ALK: variants seen among roughly 807,000 people sequenced by gnomAD.
ALK encodes the protein ALK tyrosine kinase receptor.
In ALK, 74 loss-of-function variants were observed where a neutral mutation model predicts 163.1. The ratio of observed to expected loss-of-function variants is 0.45; its 90% CI spans 0.38 to 0.55. ALK has a LOEUF of 0.55. Among genes scored for constraint, ALK ranks in the 20% least tolerant of loss-of-function variants. The probability of loss-of-function intolerance (pLI) is 0.00; values close to 1 mark genes in which losing one functional copy is unlikely to be tolerated. For missense variants in ALK, 2,063 were observed against 2,105.3 expected, an observed-to-expected ratio of 0.98 and a Z score of 0.39; for synonymous variants, 960 against 843.2, an observed-to-expected ratio of 1.14 and a Z score of -2.40.
chr2:29,301,060 G>A (rs1224278802), intron 8 of ALK, among the ~76,000 whole-genome samples: 1 of 152,196 alleles, frequency 6.6e-6, no homozygotes, highest in Non-Finnish European at 1.5e-5. Context: ...AGTGACCAGA[G>A]AAGTAGTCTG....
chr2:29,242,791 G>A (rs966587427), intron 12 of ALK, among the ~76,000 whole-genome samples: 7 of 152,208 alleles, frequency 4.6e-5, no homozygotes, highest in Admixed American at 2.6e-4. Context: ...AGCACAAGGC[G>A]AGACCCGGGG....
At chr2:29,207,351 G>A (rs1669338815) in intron 25 of ALK, 79 bp from the exon 26 acceptor site, 1 of 1,124,728 alleles carries the variant, frequency 8.9e-7, no homozygotes, top group African/African-American at 1.5e-5. Flanking sequence ...AGTTGAGAAA[G>A]TGGCAACAAT....
intron 4 of ALK, among the ~76,000 whole-genome samples, chr2:29,400,285 T>A (rs1669412687): frequency 6.6e-6 from 1 of 152,250 alleles, no homozygotes; most frequent in Non-Finnish European, 1.5e-5. Flanking sequence ...GTGATAAATA[T>A]AAGAAGCCAT....
At chr2:29,654,800 A>T (rs1225135105) in intron 3 of ALK, among the ~76,000 whole-genome samples, 1 of 152,134 alleles carries the variant, frequency 6.6e-6, no homozygotes, top group East Asian at 1.9e-4. Context: ...ATGAAAATTG[A>T]TTACAGCCAC....
At chr2:29,911,410 A>AC (rs1371069372) in intron 1 of ALK, among the ~76,000 whole-genome samples, 2 of 152,204 alleles carry the variant, frequency 1.3e-5, no homozygotes, top group East Asian at 3.8e-4. Flanking sequence ...AAGGGTATGG[A>AC]GGGAATCCCC....
intron 1 of ALK, among the ~76,000 whole-genome samples, chr2:29,885,676 GAGTGCCTCCAAACC>G (rs1316654449): frequency 4.6e-5 from 7 of 152,074 alleles, no homozygotes; most frequent in South Asian, 2.1e-4. Context: ...TGATGGAGAT[GAGTGCCTCCAAACC>G]AGTGCCAGAT....
chr2:29,920,588 C>T lies in ALK; in HGVS notation c.72G>A (p.Gly24=), dbSNP rs756782371. The T allele has an allele frequency of 3.7e-5, 59 of 1,574,554 alleles. No homozygotes were observed. Among genetic ancestry groups the T allele is most frequent in the Middle Eastern group, 1.8e-4 (1 of 5,460 alleles). ...LSTAAVGSGM[G]TGQRAGSPAA... ...CTGGGGAGCCCGCGCGCTGGCCGGT[C>T]CCCATCCCGGAGCCCACAGCTGCCG... Residue 24 remains glycine (G), a synonymous_variant, in exon 1 of 29, where the codon GGG becomes GGA. Coordinates refer to ENST00000389048, the MANE Select transcript of ALK (RefSeq NM_004304.5).
intron 1 of ALK, among the ~76,000 whole-genome samples, chr2:29,851,957 A>G (rs1281604694): frequency 6.6e-6 from 1 of 152,226 alleles, no homozygotes; most frequent in East Asian, 1.9e-4. Context: ...TAAGTAGTAG[A>G]ATGAGAGGTA....
intron 5 of ALK, among the ~76,000 whole-genome samples, chr2:29,357,700 G>T (rs1362349906): frequency 6.6e-6 from 1 of 152,166 alleles, no homozygotes; most frequent in African/African-American, 2.4e-5. Context: ...CTCCAGGTGG[G>T]ATTTGACCTA....
At chr2:29,658,035 G>A (rs1023995684) in intron 3 of ALK, among the ~76,000 whole-genome samples, 2 of 152,096 alleles carry the variant, frequency 1.3e-5, no homozygotes, top group Non-Finnish European at 2.9e-5. Context: ...GTCCTGTTCC[G>A]GGAGGAGAAG....
intron 2 of ALK, among the ~76,000 whole-genome samples, chr2:29,704,102 C>T (rs1335501304): frequency 6.6e-6 from 1 of 151,962 alleles, no homozygotes; most frequent in Admixed American, 6.6e-5. Flanking sequence ...TAAGTGTCTT[C>T]AATAAAGAAC....
chr2:29,630,896 C>T (rs1320006504), intron 3 of ALK, among the ~76,000 whole-genome samples: 2 of 152,310 alleles, frequency 1.3e-5, no homozygotes, highest in Admixed American at 1.3e-4. Context: ...ATCCATTACT[C>T]ATCCCTCTCT....
At chr2:29,194,032 A>C in intron 28 of ALK, 110 bp from the exon 29 acceptor site, 1 of 1,096,480 alleles carries the variant, frequency 9.1e-7, no homozygotes, top group Non-Finnish European at 1.4e-6. Context: ...TGAGGAAACC[A>C]GGATTTATTG....
At chr2:29,217,410 C>T (rs1427971828) in intron 23 of ALK, among the ~76,000 whole-genome samples, 2 of 151,566 alleles carry the variant, frequency 1.3e-5, no homozygotes, top group Non-Finnish European at 2.9e-5. Context: ...GTGGGAGGAG[C>T]TGTGGACATT....
rs189345205 is a variant in ALK at position 29,611,559 on chromosome 2, A to T, written c.953-79443T>A. ...TGAACTCTTACCTTAAGGAAAGAGG[A>T]GGTTATATAAATAAATGATATGGCT... On this transcript the variant is annotated intron_variant, in intron 3 of 28. Transcript: ENST00000389048. 5.3e-5 allele frequency among the ~76,000 whole-genome samples: 8 copies of T among 152,242 alleles called. No individual in the cohort carries two copies. In the East Asian group the frequency reaches 1.5e-3, roughly 29 times the overall value.
At chr2:29,233,421 C>T (rs1256420406) in intron 14 of ALK, 144 bp downstream of exon 14, 1 of 1,228,732 alleles carries the variant, frequency 8.1e-7, no homozygotes, top group Non-Finnish European at 1.2e-6. Context: ...ACTAGGATTA[C>T]AGGAATGAGC....
At chr2:29,465,090 T>C (rs891858359) in intron 4 of ALK, among the ~76,000 whole-genome samples, 3 of 152,062 alleles carry the variant, frequency 2.0e-5, no homozygotes, top group Admixed American at 6.6e-5. Context: ...CAAACCCCAA[T>C]CTGAAGAAAC....
At chr2:29,505,035 A>C (rs527892256) in intron 4 of ALK, among the ~76,000 whole-genome samples, 1 of 152,258 alleles carries the variant, frequency 6.6e-6, no homozygotes, top group East Asian at 1.9e-4. Context: ...GCCTGTGGTC[A>C]CTCCAAGGTC....
intron 1 of ALK, among the ~76,000 whole-genome samples, chr2:29,913,838 C>T (rs1667766672): frequency 6.6e-6 from 1 of 152,152 alleles, no homozygotes; most frequent in East Asian, 1.9e-4. Context: ...TTACATTTCT[C>T]TCCATATTCT....
Sources: allele counts gnomAD v4.1 joint callset (sites outside exome capture counted in the v4.1 genomes callset), GRCh38; gene constraint gnomAD v4.1.1; transcripts MANE v1.5; gene names NCBI Gene and HGNC (gene_info 2026-07-23, HGNC 2026-07-21).